The following PTPRK variants were observed in gnomAD, a reference collection of about 807,000 sequenced individuals.
PTPRK encodes protein tyrosine phosphatase receptor type K.
Under a neutral mutation model 178.0 loss-of-function variants are expected in PTPRK, and 75 were observed. The ratio of observed to expected loss-of-function variants is 0.42; its 90% CI spans 0.35 to 0.51. The LOEUF is 0.51. PTPRK is among the 20% of genes least tolerant of loss of function. The pLI is 0.02. For synonymous variants in PTPRK, 637 were observed against 620.6 expected (o/e 1.03, Z -0.39); for missense variants, 1,441 against 1,797.8 (o/e 0.80, Z 3.59).
chr6:128,520,188 C>A (rs1562690754), intron 1 of PTPRK, 71 bp downstream of exon 1: 3 of 1,332,476 alleles, frequency 2.3e-6, no homozygotes, highest in African/African-American at 1.5e-5. Flanking sequence ...CCAGCCCTAG[C>A]GGGGACCTGG....
At chr6:128,048,344 T>A (rs151291776) in intron 13 of PTPRK, among the ~76,000 whole-genome samples, 1 of 148,988 alleles carries the variant, frequency 6.7e-6, no homozygotes, top group Non-Finnish European at 1.5e-5. Flanking sequence ...GAAGAGCTGA[T>A]TTAGAACATT....
At chr6:128,055,969 G>A (rs1050322095) in intron 13 of PTPRK, among the ~76,000 whole-genome samples, 7 of 147,334 alleles carry the variant, frequency 4.8e-5, no homozygotes, top group Non-Finnish European at 1.0e-4. Context: ...GAACATAAGC[G>A]CTTTTTTTTC....
At chr6:128,506,264 T>G (rs1856322126) in intron 1 of PTPRK, among the ~76,000 whole-genome samples, 1 of 152,216 alleles carries the variant, frequency 6.6e-6, no homozygotes, top group Non-Finnish European at 1.5e-5. Flanking sequence ...GGGCACTGCT[T>G]GGAGTGGCAG....
At chr6:128,048,666 T>C (rs894381675) in intron 13 of PTPRK, among the ~76,000 whole-genome samples, 1 of 152,184 alleles carries the variant, frequency 6.6e-6, no homozygotes, top group African/African-American at 2.4e-5. Flanking sequence ...GGGTTCTGCA[T>C]CCGAAGAGTC....
intron 18 of PTPRK, among the ~76,000 whole-genome samples, chr6:127,993,617 T>C (rs532824196): frequency 2.6e-5 from 4 of 151,790 alleles, no homozygotes; most frequent in Non-Finnish European, 3.0e-5. Context: ...TTTAATAGCA[T>C]GAGTATTACG....
intron 11 of PTPRK, among the ~76,000 whole-genome samples, chr6:128,077,225 A>G (rs566890229): frequency 6.6e-6 from 1 of 152,128 alleles, no homozygotes; most frequent in South Asian, 2.1e-4. Context: ...TCAATAGGAA[A>G]AGATGTTGAG....
At chr6:128,512,695 A>G (rs915135186) in intron 1 of PTPRK, among the ~76,000 whole-genome samples, 1 of 152,230 alleles carries the variant, frequency 6.6e-6, no homozygotes, top group Non-Finnish European at 1.5e-5. Context: ...AATAGTGTAC[A>G]CTGTCTATTA....
At chr6:128,350,546 A>T (rs1832984899) in intron 2 of PTPRK, among the ~76,000 whole-genome samples, 1 of 152,220 alleles carries the variant, frequency 6.6e-6, no homozygotes, top group South Asian at 2.1e-4. Flanking sequence ...GCTTCCAAAC[A>T]GATGGATGAA....
At chr6:128,134,188 G>C (rs761987057) in intron 7 of PTPRK, among the ~76,000 whole-genome samples, 2 of 152,038 alleles carry the variant, frequency 1.3e-5, no homozygotes, top group Non-Finnish European at 2.9e-5. Context: ...ACATACTTAT[G>C]TATTTATAGC....
intron 1 of PTPRK, among the ~76,000 whole-genome samples, chr6:128,454,664 T>C (rs1848182350): frequency 6.6e-6 from 1 of 152,150 alleles, no homozygotes; most frequent in Non-Finnish European, 1.5e-5. Context: ...TAAAGAGATA[T>C]ACCTAATAAA....
chr6:128,132,157 C>T (rs777064111), intron 7 of PTPRK, among the ~76,000 whole-genome samples: 9 of 151,978 alleles, frequency 5.9e-5, no homozygotes, highest in Non-Finnish European at 1.3e-4. Flanking sequence ...TAGTTACAGG[C>T]TGTGTGTTTT....
chr6:128,486,674 G>T (rs558251459), intron 1 of PTPRK, among the ~76,000 whole-genome samples: 3 of 152,088 alleles, frequency 2.0e-5, no homozygotes, highest in Admixed American at 6.5e-5. Flanking sequence ...ATGGAGGCAT[G>T]TGCCTGCAGC....
intron 1 of PTPRK, chr6:128,472,727 T>A (rs952528295): frequency 3.6e-5 from 12 of 334,908 alleles, no homozygotes; most frequent in Non-Finnish European, 5.9e-5. Context: ...TATTCTCTTA[T>A]ATAATCACAA....
chr6:128,215,180 G>A (rs905388628), intron 6 of PTPRK, among the ~76,000 whole-genome samples: 2 of 152,176 alleles, frequency 1.3e-5, no homozygotes, highest in African/African-American at 4.8e-5. Flanking sequence ...AATTGAGTGT[G>A]AGGTGTAGGA....
At chr6:128,470,745 CTCTCT>C (rs1040018581) in intron 1 of PTPRK, among the ~76,000 whole-genome samples, 16 of 132,992 alleles carry the variant, frequency 1.2e-4, no homozygotes, top group African/African-American at 4.9e-4. Context: ...AACAATATCT[CTCTCT>C]TTTTTTTTTT....
At chr6:128,418,069 G>A (rs760854172) in intron 1 of PTPRK, among the ~76,000 whole-genome samples, 6 of 152,022 alleles carry the variant, frequency 3.9e-5, no homozygotes, top group Non-Finnish European at 7.4e-5. Flanking sequence ...ACTGTATCTC[G>A]TCAAAAAAAA....
At chr6:128,204,487 C>T (rs1229948156) in intron 6 of PTPRK, among the ~76,000 whole-genome samples, 2 of 151,958 alleles carry the variant, frequency 1.3e-5, no homozygotes, top group African/African-American at 4.8e-5. Flanking sequence ...AAACAACCTA[C>T]AAAATGGGAG....
At chr6:128,139,438 A>G (rs570399981) in intron 7 of PTPRK, among the ~76,000 whole-genome samples, 3 of 152,190 alleles carry the variant, frequency 2.0e-5, no homozygotes, top group Admixed American at 2.0e-4. Flanking sequence ...ACTATAGTTT[A>G]AAGGGCTCCT....
intron 1 of PTPRK, among the ~76,000 whole-genome samples, chr6:128,480,408 T>G (rs887853157): frequency 7.0e-6 from 1 of 142,584 alleles, no homozygotes; most frequent in Non-Finnish European, 1.5e-5. Flanking sequence ...ATAAAGTTAT[T>G]TGTGACTCTT....
Sources: gnomAD v4.1 joint callset for allele counts (sites outside exome capture counted in the v4.1 genomes callset) on GRCh38, gnomAD v4.1.1 for gene constraint, MANE v1.5 for transcripts, NCBI Gene and HGNC (gene_info 2026-07-23, HGNC 2026-07-21) for gene names.